BRWD1: variants seen among roughly 807,000 people sequenced by gnomAD.
The protein encoded by BRWD1 is bromodomain and WD repeat-containing protein 1.
Under a neutral mutation model 251.2 loss-of-function variants are expected in BRWD1, and 82 were observed. The observed-to-expected ratio is 0.33, with a 90% CI of 0.27 to 0.39. The LOEUF is 0.39. Among genes scored for constraint, BRWD1 ranks in the 10% least tolerant of loss-of-function variants. The pLI is 1.00. For synonymous variants in BRWD1, 918 were observed against 902.8 expected (o/e 1.02, Z -0.30); for missense variants, 2,233 against 2,711.6 (o/e 0.82, Z 3.92).
At position 39,193,395 on chromosome 21, in the gene BRWD1, G is replaced by GT. The variant is rs1280772091; in HGVS notation, c.*2863dup. On this transcript the variant is annotated 3_prime_UTR_variant, in exon 41 of 41. Transcript: ENST00000342449. ...TTTTATTCATAAGTTACTTCACATT[G>GT]TAAGTATACCTTTTTAAATAAGGAG... is the stretch of plus-strand genomic sequence containing the variant. 1.2e-4 allele frequency: 118 copies of GT among 984,274 alleles called. No homozygotes were observed. The highest frequency in any genetic ancestry group is 1.4e-4 in the Non-Finnish European group (116 of 829,096). The allele number at this position is 984,274 out of a possible 1,614,324, so 61.0% of individuals were successfully genotyped here.
chr21:39,281,881 T>A (rs74360963), intron 8 of BRWD1, among the ~76,000 whole-genome samples: 5,861 of 73,576 alleles, frequency 0.08, 161 homozygotes, highest in African/African-American at 0.13. Context: ...CCAAAAAAAA[T>A]ATATATATAT....
intron 17 of BRWD1, among the ~76,000 whole-genome samples, chr21:39,262,396 C>G (rs1020266825): frequency 2.6e-5 from 4 of 152,196 alleles, no homozygotes; most frequent in African/African-American, 9.6e-5. Context: ...AAGCACCACA[C>G]TAAGTCAAAG....
In BRWD1 at chr21:39,187,372, C is replaced by T; in HGVS notation, c.*8887G>A. On this transcript the variant is annotated 3_prime_UTR_variant, in exon 41 of 41. Transcript: ENST00000342449. ...CACTGCATCCTTCTGATTATGCATACATGTTCTCACTTTTGTATTGGGTTC... is the reference window on the plus strand; with the variant it reads ...CACTGCATCCTTCTGATTATGCATATATGTTCTCACTTTTGTATTGGGTTC... 2 of 1,605,290 alleles carry T rather than the reference C, an allele frequency of 1.2e-6. No individual in the cohort carries two copies. Among genetic ancestry groups the T allele is most frequent in the Non-Finnish European group, 8.5e-7 (1 of 1,177,138 alleles).
At chr21:39,227,684 T>C (rs2033436376) in intron 27 of BRWD1, among the ~76,000 whole-genome samples, 1 of 152,202 alleles carries the variant, frequency 6.6e-6, no homozygotes, top group Admixed American at 6.5e-5. Context: ...ATTTTTTATT[T>C]CTTAACAAAA....
chr21:39,257,784 A>G (rs1026771387), intron 18 of BRWD1, among the ~76,000 whole-genome samples: 1 of 152,212 alleles, frequency 6.6e-6, no homozygotes, highest in African/African-American at 2.4e-5. Context: ...GCTTCTGAAA[A>G]AAAACACATA....
At chr21:39,236,816 A>G (rs1052617343) in intron 22 of BRWD1, 32 bp from the exon 23 acceptor site, 1 of 1,581,096 alleles carries the variant, frequency 6.3e-7, no homozygotes, top group Admixed American at 1.7e-5. Flanking sequence ...AGTTGAATGG[A>G]GCCAGAATAT....
intron 13 of BRWD1, among the ~76,000 whole-genome samples, chr21:39,272,301 T>TAAAAA (rs746781112): frequency 9.6e-6 from 1 of 104,602 alleles, no homozygotes; most frequent in Admixed American, 1.1e-4. Flanking sequence ...CCCTAAAACT[T>TAAAAA]AAATAAATAA....
At chr21:39,212,464 C>T (rs1259625153) in intron 34 of BRWD1, among the ~76,000 whole-genome samples, 1 of 152,082 alleles carries the variant, frequency 6.6e-6, no homozygotes, top group East Asian at 1.9e-4. Context: ...TGAATGGCCT[C>T]TTCTTACTCC....
chr21:39,312,964 GGGCCGGGGGCGGGCGGCGGGC>G (rs2036552610), intron 3 of BRWD1, 64 bp from the exon 4 acceptor site: 2 of 564,814 alleles, frequency 3.5e-6, no homozygotes, highest in African/African-American at 4.3e-5. Context: ...GGGGGGCGGG[GGGCCGGGGGCGGGCGGCGGGC>G]GGCGGGCGGG....
intron 15 of BRWD1, among the ~76,000 whole-genome samples, chr21:39,265,328 G>C (rs373997391): frequency 1.3e-5 from 2 of 152,130 alleles, no homozygotes; most frequent in Non-Finnish European, 2.9e-5. Context: ...AGGAAGCTGA[G>C]ACACGAGAAT....
At position 39,313,358 on chromosome 21, in the gene BRWD1, AGGGGAGCCG is replaced by A. The variant is rs1288518492; in HGVS notation, c.50-68_50-60del. ...GCGGGGAGGGGAGGGGGACGGGGCC[AGGGGAGCCG>A]GGGGAGCCCGGGGAGCCGGGGAAGC... On this transcript the variant is annotated intron_variant, in intron 1 of 40. Coordinates refer to ENST00000342449, the MANE Select transcript of BRWD1 (RefSeq NM_033656.4). 1.5e-5 allele frequency: 22 copies of A among 1,462,836 alleles called. No homozygotes were observed. In the Admixed American group the frequency reaches 1.5e-4, roughly 10 times the overall value. The allele number at this position is 1,462,836 out of a possible 1,614,324, so 90.6% of individuals were successfully genotyped here. A position where few individuals can be genotyped will look rare whatever the true frequency, so the allele number is the denominator to read the frequency against.
At chr21:39,235,669 C>T in intron 23 of BRWD1, 1 of 215,898 alleles carries the variant, frequency 4.6e-6, no homozygotes, top group South Asian at 8.6e-5. Context: ...GGCTCCTTAA[C>T]AAAAGCTCTG....
chr21:39,221,099 G>A (rs1482178058), intron 29 of BRWD1, among the ~76,000 whole-genome samples: 1 of 148,158 alleles, frequency 6.7e-6, no homozygotes, highest in Non-Finnish European at 1.5e-5. Context: ...AGGTTGCAAT[G>A]AGTGGAGATT....
chr21:39,269,398 G>T (rs1018225923), intron 15 of BRWD1, among the ~76,000 whole-genome samples: 3 of 151,610 alleles, frequency 2.0e-5, no homozygotes, highest in African/African-American at 7.3e-5. Flanking sequence ...GAATTCCTGG[G>T]CTCAAGCAAT....
At chr21:39,273,658 T>C (rs984418988) in intron 13 of BRWD1, among the ~76,000 whole-genome samples, 2 of 143,186 alleles carry the variant, frequency 1.4e-5, no homozygotes, top group African/African-American at 4.9e-5. Context: ...CAGGCTGAGA[T>C]GGGGGGACTG....
At chr21:39,274,132 A>T (rs2035204119) in intron 13 of BRWD1, among the ~76,000 whole-genome samples, 1 of 152,210 alleles carries the variant, frequency 6.6e-6, no homozygotes, top group African/African-American at 2.4e-5. Flanking sequence ...AATGCTTTGA[A>T]CCATAGAAAA....
At chr21:39,223,184 C>T (rs2033247035) in intron 29 of BRWD1, among the ~76,000 whole-genome samples, 1 of 152,056 alleles carries the variant, frequency 6.6e-6, no homozygotes, top group East Asian at 1.9e-4. Context: ...TTAATAATTT[C>T]CTGATTTTGA....
intron 4 of BRWD1, among the ~76,000 whole-genome samples, chr21:39,310,152 A>G (rs1030895736): frequency 6.6e-6 from 1 of 152,246 alleles, no homozygotes. Context: ...GTCCATTGAT[A>G]GTTTCTTAAA....
intron 37 of BRWD1, among the ~76,000 whole-genome samples, chr21:39,204,885 T>C (rs1057432727): frequency 6.6e-6 from 1 of 152,180 alleles, no homozygotes; most frequent in African/African-American, 2.4e-5. Flanking sequence ...CAGGTGGTAA[T>C]GCTTGTTTGC....
Sources: gnomAD v4.1 joint callset for allele counts (sites outside exome capture counted in the v4.1 genomes callset) on GRCh38, gnomAD v4.1.1 for gene constraint, MANE v1.5 for transcripts, NCBI Gene and HGNC (gene_info 2026-07-23, HGNC 2026-07-21) for gene names.